The following CPS1 variants were observed in gnomAD, a reference collection of about 807,000 sequenced individuals.
CPS1 encodes carbamoyl-phosphate synthase 1, also known as carbamoyl-phosphate synthase [ammonia], mitochondrial.
In CPS1, 109 loss-of-function variants were observed where a neutral mutation model predicts 174.6. That is an observed-to-expected ratio of 0.62 (90% CI 0.53 to 0.73). The LOEUF is 0.73. CPS1 is among the 30% of genes least tolerant of loss of function. CPS1 has a pLI of 0.00. For synonymous variants in CPS1, 637 were observed against 632.0 expected, an observed-to-expected ratio of 1.01 and a Z score of -0.12; for missense variants, 1,689 against 1,821.9, an observed-to-expected ratio of 0.93 and a Z score of 1.33.
At chr2:210,571,368 A>G (rs1186108399) in intron 1 of CPS1, among the ~76,000 whole-genome samples, 1 of 151,940 alleles carries the variant, frequency 6.6e-6, no homozygotes, top group African/African-American at 2.4e-5. Flanking sequence ...ATGCTCACTC[A>G]CACACATACA....
rs3060375 is a variant in CPS1 at position 210,525,806 on chromosome 2, G to GGAGA, written c.4-30895_4-30892dup. ...TAGTACATTCCAAGCAAAGTAAAAT[G>GGAGA]GAGAGAGAGAGAGAGAGAGAGGGAG... On this transcript the variant is annotated intron_variant, in intron 1 of 38. Coordinates refer to the CPS1 transcript ENST00000430249. Among the ~76,000 whole-genome samples the GGAGA allele has an allele frequency of 6.4e-3, 929 of 144,300 alleles. 9 individuals are homozygous for GGAGA. Among genetic ancestry groups the GGAGA allele is most frequent in the African/African-American group, 0.021 (819 of 38,622 alleles). 94.7% of individuals were successfully genotyped at this position (144,300 alleles called of 152,430 possible). A position where few individuals can be genotyped will look rare whatever the true frequency, so the allele number is the denominator to read the frequency against.
In CPS1 at chr2:210,573,370, G is replaced by A; in HGVS notation, c.199G>A (p.Val67Ile). ...KGYSFGHPSS[V>I]AGEVVFNTGL... is the part of the protein sequence containing the mutation. ...TTACTCCTTTGGCCATCCATCCTCT[G>A]TTGCTGGTGAAGTGGTTTTTAATAC... The change falls in exon 2 of 38, where the codon GTT becomes ATT. Residue 67 changes from valine to isoleucine, a missense_variant. Physicochemically the swap from Val to Ile is conservative, Grantham distance 29 (BLOSUM62 3). Coordinates refer to ENST00000233072, the MANE Select transcript of CPS1 (RefSeq NM_001875.5). The A allele has an allele frequency of 3.1e-6, 5 of 1,613,202 alleles. No homozygotes were observed. The highest frequency in any genetic ancestry group is 4.2e-6 in the Non-Finnish European group (5 of 1,179,288).
At chr2:210,600,112 C>CAAA (rs533203257) in intron 14 of CPS1, among the ~76,000 whole-genome samples, 1 of 124,834 alleles carries the variant, frequency 8.0e-6, no homozygotes, top group African/African-American at 3.0e-5. Context: ...ACTTGTATGT[C>CAAA]AAAAAAAAAA....
intron 32 of CPS1, 68 bp downstream of exon 32, chr2:210,660,723 C>A (rs2105923238): frequency 6.8e-7 from 1 of 1,473,946 alleles, no homozygotes; most frequent in Non-Finnish European, 9.5e-7. Flanking sequence ...AATTTGTCAT[C>A]AAAAATCTTG....
In CPS1 at chr2:210,510,988, C is replaced by T. The variant is rs1309676052; in HGVS notation, c.3+33222C>T. Reference sequence around the variant, plus strand: ...GTCAGTGTGGCGATTCCTCAGGGATCTAGAACTAGAAATATCGTTTGACCC... The same window carrying T: ...GTCAGTGTGGCGATTCCTCAGGGATTTAGAACTAGAAATATCGTTTGACCC... On this transcript the variant is annotated intron_variant, in intron 1 of 38. Transcript: ENST00000430249. Among the ~76,000 whole-genome samples the T allele has an allele frequency of 1.3e-4, 20 of 152,268 alleles. 1 individual carries two copies. The highest frequency in any genetic ancestry group is 1.1e-3 in the Admixed American group (17 of 15,286).
chr2:210,495,519 C>T (rs955725216), intron 1 of CPS1, among the ~76,000 whole-genome samples: 7 of 152,166 alleles, frequency 4.6e-5, no homozygotes, highest in Admixed American at 3.9e-4. Context: ...AGTGTCAGTA[C>T]CCACTCTGTC....
chr2:210,612,416 T>A (rs978955037), intron 20 of CPS1, 123 bp downstream of exon 20: 29 of 943,064 alleles, frequency 3.1e-5, no homozygotes, highest in Admixed American at 9.4e-5. Flanking sequence ...AAATTTTTAA[T>A]TCTTTTATAG....
At chr2:210,666,804 A>T (rs180970385) in intron 33 of CPS1, among the ~76,000 whole-genome samples, 1 of 152,188 alleles carries the variant, frequency 6.6e-6, no homozygotes, top group Non-Finnish European at 1.5e-5. Flanking sequence ...TGACTTGGCA[A>T]TGCGGGCTCT....
At chr2:210,595,080 A>G (rs1305069595) in intron 12 of CPS1, among the ~76,000 whole-genome samples, 1 of 151,886 alleles carries the variant, frequency 6.6e-6, no homozygotes, top group African/African-American at 2.4e-5. Flanking sequence ...TTGAATATGT[A>G]TGTTAGTGTG....
At chr2:210,661,922 T>G (rs1700936087) in intron 32 of CPS1, among the ~76,000 whole-genome samples, 1 of 148,598 alleles carries the variant, frequency 6.7e-6, no homozygotes. Flanking sequence ...TTTTTTTTTT[T>G]TGAGACGGAG....
At chr2:210,542,308 C>G (rs1196487881) in intron 1 of CPS1, among the ~76,000 whole-genome samples, 1 of 152,016 alleles carries the variant, frequency 6.6e-6, no homozygotes, top group Admixed American at 6.6e-5. Flanking sequence ...AATGGGAGCC[C>G]AAGACTACTG....
At chr2:210,613,574 G>GTA (rs943050348) in intron 20 of CPS1, among the ~76,000 whole-genome samples, 312 of 150,772 alleles carry the variant, frequency 2.1e-3, no homozygotes, top group African/African-American at 6.5e-3. Flanking sequence ...GTGTGTGTGT[G>GTA]TATATATATA....
rs568052326 is a variant in CPS1, at chr2:210,523,323, G to A, written c.4-33396G>A. ...GGGGATACTGGAGAAGGAATAACCC[G>A]AAAAGGTAAGTTGGTTGTGGCATTT... On this transcript the variant is annotated intron_variant, in intron 1 of 38. Coordinates refer to the CPS1 transcript ENST00000430249. Among the ~76,000 whole-genome samples, 7 of 152,108 alleles carry A rather than the reference G, an allele frequency of 4.6e-5. No individual in the cohort carries two copies. In the South Asian group the frequency reaches 1.0e-3, roughly 23 times the overall value.
intron 1 of CPS1, among the ~76,000 whole-genome samples, chr2:210,535,472 A>C (rs905509555): frequency 2.0e-5 from 3 of 152,188 alleles, no homozygotes; most frequent in Non-Finnish European, 2.9e-5. Context: ...TATAAATGCT[A>C]TGCTGAATCA....
chr2:210,553,645 A>G (rs1041054348), upstream of CPS1, among the ~76,000 whole-genome samples: 1 of 152,024 alleles, frequency 6.6e-6, no homozygotes, highest in African/African-American at 2.4e-5. Flanking sequence ...CAGACAGCTT[A>G]TATGAAGGAG....
intron 1 of CPS1, among the ~76,000 whole-genome samples, chr2:210,558,135 A>G (rs962951475): frequency 1.3e-5 from 2 of 152,066 alleles, no homozygotes; most frequent in African/African-American, 4.8e-5. Flanking sequence ...AGCCTTTAAC[A>G]TTGAGAAGAT....
chr2:210,596,000 G>A (rs1698470119), intron 13 of CPS1, among the ~76,000 whole-genome samples: 1 of 151,930 alleles, frequency 6.6e-6, no homozygotes. Context: ...GGTTGAAATG[G>A]GAAACTCCAG....
Position 210,579,709 on chromosome 2 carries a change from T to G in CPS1, c.472-5T>G, listed in dbSNP as rs747103515. ...TTCACTGTCACTACAATTTTTTTCTTATAGGTTCCTGCAATTTATGGAGTG... is the reference window on the plus strand; with the variant it reads ...TTCACTGTCACTACAATTTTTTTCTGATAGGTTCCTGCAATTTATGGAGTG... On this transcript the variant is annotated splice_region_variant and splice_polypyrimidine_tract_variant and intron_variant, in intron 4 of 37. Coordinates refer to ENST00000233072, the MANE Select transcript of CPS1 (RefSeq NM_001875.5). 5.6e-6 allele frequency: 9 copies of G among 1,611,904 alleles called. No homozygotes were observed. In the African/African-American group the frequency reaches 9.4e-5, roughly 17 times the overall value.
chr2:210,582,582 T>G, intron 5 of CPS1, 35 bp from the exon 6 acceptor site: 1 of 1,517,640 alleles, frequency 6.6e-7, no homozygotes, highest in Non-Finnish European at 9.2e-7. Context: ...TTATCGTTGC[T>G]TCCTTTTAAC....
Sources: gnomAD v4.1 joint callset for allele counts (sites outside exome capture counted in the v4.1 genomes callset) on GRCh38, gnomAD v4.1.1 for gene constraint, MANE v1.5 for transcripts, NCBI Gene and HGNC (gene_info 2026-07-23, HGNC 2026-07-21) for gene names.